Variants in FTCDNL1 observed in about 807,000 individuals in gnomAD.
The protein encoded by FTCDNL1 is formiminotransferase N-terminal subdomain-containing protein.
In FTCDNL1, 11 loss-of-function variants were observed where a neutral mutation model predicts 5.9. The ratio of observed to expected loss-of-function variants is 1.87; its 90% confidence interval spans 1.18 to 3.10. The LOEUF (loss-of-function observed/expected upper bound fraction) is 3.10, where lower values mean the gene tolerates loss of function less well. Among genes scored for constraint, FTCDNL1 ranks in the 30% most tolerant of loss-of-function variants. The pLI is 0.00. For missense variants in FTCDNL1, 115 were observed against 65.5 expected, an observed-to-expected ratio of 1.76 and a Z score of -2.61; for synonymous variants, 58 against 24.8, an observed-to-expected ratio of 2.34 and a Z score of -3.99.
At chr2:199,768,613 G>C (rs376456240) in intron 3 of FTCDNL1, among the ~76,000 whole-genome samples, 1 of 151,954 alleles carries the variant, frequency 6.6e-6, no homozygotes, top group East Asian at 1.9e-4. Context: ...GAAGAATAAG[G>C]AAGGAAAAGC....
In FTCDNL1 at chr2:199,821,327, T is replaced by A. The variant is rs563398214; in HGVS notation, c.212-1570A>T. ...ACCAAGCCTGGCTAATTTTTTTTTT[T>A]TTTTTTTTTTTTTTAGTAGACACAG... On this transcript the variant is annotated intron_variant, in intron 3 of 4. Coordinates refer to ENST00000420128, the MANE Select transcript of FTCDNL1 (RefSeq NM_001363886.2). Among the ~76,000 whole-genome samples the A allele has an allele frequency of 5.4e-3, 812 of 151,096 alleles. 7 individuals carry two copies. The highest frequency in any genetic ancestry group is 0.018 in the African/African-American group (760 of 41,154).
chr2:199,721,409 T>G, the FTCDNL1 span, among the ~76,000 whole-genome samples: 1 of 152,192 alleles, frequency 6.6e-6, no homozygotes, highest in East Asian at 1.9e-4. Flanking sequence ...TTGAGGATAA[T>G]GGCTTCCAGG....
chr2:199,769,484 C>CG (rs966683671), intron 3 of FTCDNL1, among the ~76,000 whole-genome samples: 1 of 152,050 alleles, frequency 6.6e-6, no homozygotes, highest in African/African-American at 2.4e-5. Context: ...TTGAGGCCCC[C>CG]CCAGCCATGT....
intron 3 of FTCDNL1, among the ~76,000 whole-genome samples, chr2:199,767,673 T>C (rs1408803684): frequency 1.3e-5 from 2 of 152,132 alleles, no homozygotes; most frequent in Non-Finnish European, 2.9e-5. Context: ...CTCTTCTCTC[T>C]TCTACCACGT....
chr2:199,840,445 T>G (rs1408353098), intron 3 of FTCDNL1, among the ~76,000 whole-genome samples: 1 of 152,036 alleles, frequency 6.6e-6, no homozygotes, highest in African/African-American at 2.4e-5. Context: ...GTTGGAAGAT[T>G]GGGAAGTGTG....
At chr2:199,845,454 C>G (rs1482935042) in intron 3 of FTCDNL1, among the ~76,000 whole-genome samples, 1 of 152,006 alleles carries the variant, frequency 6.6e-6, no homozygotes, top group East Asian at 1.9e-4. Flanking sequence ...GCCTGTAATT[C>G]CAGCTACAAA....
chr2:199,845,288 C>G (rs373618251), intron 3 of FTCDNL1, among the ~76,000 whole-genome samples: 50 of 152,080 alleles, frequency 3.3e-4, no homozygotes, highest in African/African-American at 1.2e-3. Flanking sequence ...CTGTCCAGGC[C>G]GGGCTCAGTG....
chr2:199,792,937 C>A (rs1271792380), intron 3 of FTCDNL1, among the ~76,000 whole-genome samples: 2 of 152,090 alleles, frequency 1.3e-5, no homozygotes, highest in African/African-American at 4.8e-5. Flanking sequence ...CCTCTAGATT[C>A]TCATTGTATT....
chr2:199,696,167 C>T, the FTCDNL1 span, among the ~76,000 whole-genome samples: 1 of 152,322 alleles, frequency 6.6e-6, no homozygotes, highest in African/African-American at 2.4e-5. Flanking sequence ...ATGCACATGC[C>T]GCCACCCTGC....
the FTCDNL1 span, among the ~76,000 whole-genome samples, chr2:199,726,835 C>G: frequency 7.9e-5 from 12 of 152,130 alleles, no homozygotes; most frequent in Admixed American, 3.3e-4. Context: ...TGGGAACACT[C>G]CTGTATAAGG....
At chr2:199,755,883 A>T (rs1400606768), downstream of FTCDNL1, among the ~76,000 whole-genome samples, 1 of 152,234 alleles carries the variant, frequency 6.6e-6, no homozygotes, top group East Asian at 1.9e-4. Flanking sequence ...GTATGATATA[A>T]ATATTAGCTT....
At chr2:199,729,011 A>G in the FTCDNL1 span, among the ~76,000 whole-genome samples, 2 of 152,182 alleles carry the variant, frequency 1.3e-5, no homozygotes, top group Non-Finnish European at 2.9e-5. Flanking sequence ...TGTCAAAAAT[A>G]TGGGTCGACT....
chr2:199,713,630 T>C, the FTCDNL1 span, among the ~76,000 whole-genome samples: 4 of 152,252 alleles, frequency 2.6e-5, no homozygotes, highest in Non-Finnish European at 4.4e-5. Flanking sequence ...TGACAATCAT[T>C]GTCAATTGTT....
chr2:199,837,844 G>A (rs753145024), intron 3 of FTCDNL1, among the ~76,000 whole-genome samples: 37 of 151,938 alleles, frequency 2.4e-4, no homozygotes, highest in Non-Finnish European at 4.7e-4. Context: ...TAGTTGATAC[G>A]GCATTGTGCA....
the FTCDNL1 span, among the ~76,000 whole-genome samples, chr2:199,754,523 G>A: frequency 2.4e-4 from 36 of 152,286 alleles, no homozygotes; most frequent in African/African-American, 8.7e-4. Context: ...CAGGAACACT[G>A]ATGCCTGGAC....
intron 3 of FTCDNL1, among the ~76,000 whole-genome samples, 186 bp from the exon 4 acceptor site, chr2:199,819,943 CAT>C (rs1701584088): frequency 6.6e-6 from 1 of 152,206 alleles, no homozygotes; most frequent in Non-Finnish European, 1.5e-5. Flanking sequence ...CACTAAAGCA[CAT>C]GATTTATACA....
chr2:199,765,012 C>T (rs1293463965), intron 3 of FTCDNL1, among the ~76,000 whole-genome samples: 2 of 152,132 alleles, frequency 1.3e-5, no homozygotes, highest in Non-Finnish European at 2.9e-5. Context: ...CAACTAGGAC[C>T]TGAGTATGTG....
At chr2:199,767,504 C>T (rs1230876764) in intron 3 of FTCDNL1, among the ~76,000 whole-genome samples, 3 of 152,156 alleles carry the variant, frequency 2.0e-5, no homozygotes, top group Admixed American at 6.6e-5. Context: ...TAAATATATG[C>T]GTCCCCTCCA....
chr2:199,786,411 T>C (rs1303361409), intron 3 of FTCDNL1, among the ~76,000 whole-genome samples: 1 of 152,210 alleles, frequency 6.6e-6, no homozygotes, highest in East Asian at 1.9e-4. Flanking sequence ...GAGGTTTACA[T>C]TTCTTTGGCT....
Sources: gnomAD v4.1 joint callset for allele counts (sites outside exome capture counted in the v4.1 genomes callset) on GRCh38, gnomAD v4.1.1 for gene constraint, MANE v1.5 for transcripts, NCBI Gene and HGNC (gene_info 2026-07-23, HGNC 2026-07-21) for gene names.